Variants in SPON1 observed in about 807,000 individuals in gnomAD.
SPON1 encodes spondin 1, also known as spondin-1.
In SPON1, 52 loss-of-function variants were observed where a neutral mutation model predicts 111.7. The observed-to-expected ratio is 0.47, with a 90% CI of 0.37 to 0.59. The LOEUF is 0.59. SPON1 is among the 20% of genes least tolerant of loss of function. The pLI, the probability that SPON1 is intolerant of heterozygous loss-of-function variation, is 0.00. For synonymous variants in SPON1, 410 were observed against 395.8 expected (o/e 1.04, Z -0.43); for missense variants, 957 against 1,068.5 (o/e 0.90, Z 1.46).
intron 6 of SPON1, among the ~76,000 whole-genome samples, chr11:14,139,275 G>A (rs1381421778): frequency 6.6e-6 from 1 of 152,164 alleles, no homozygotes; most frequent in Non-Finnish European, 1.5e-5. Context: ...CCTTCTAACT[G>A]GTGAACTCCT....
chr11:14,219,205 T>G (rs1848654956), intron 6 of SPON1, among the ~76,000 whole-genome samples: 1 of 152,244 alleles, frequency 6.6e-6, no homozygotes, highest in African/African-American at 2.4e-5. Flanking sequence ...CATTAATTTA[T>G]GGAGCCTTCC....
In SPON1 at chr11:14,075,370, A is replaced by AT. The variant is rs1219816614; in HGVS notation, c.508dup (p.Tyr170LeufsTer5). The AT allele has an allele frequency of 6.4e-7, 1 of 1,560,424 alleles. No individual in the cohort carries two copies. Among genetic ancestry groups the AT allele is most frequent in the Non-Finnish European group, 8.7e-7 (1 of 1,151,220 alleles). ...GGCCAGCATCGTACAAAAACGCATT[A>AT]TTTATTTTCAAGATGAGGGCTCTCT... On this transcript the variant is annotated frameshift_variant, in exon 4 of 16. Coordinates refer to ENST00000576479, the MANE Select transcript of SPON1 (RefSeq NM_006108.4). LOFTEE classifies it high-confidence loss of function.
chr11:14,013,452 A>G (rs1554913946), intron 2 of SPON1, among the ~76,000 whole-genome samples: 1 of 152,200 alleles, frequency 6.6e-6, no homozygotes, highest in African/African-American at 2.4e-5. Flanking sequence ...AAACTTGGCC[A>G]TTCTGTTTGG....
rs376690256 is a variant in SPON1 at position 14,087,431 on chromosome 11, C to T, written c.676+7410C>T. ...CATAGTCATCCAGGAGCAGGTTGTT[C>T]AATTTCCATGTAGTTGTGTGGTTTT... On this transcript the variant is annotated intron_variant, in intron 5 of 15. Transcript: ENST00000576479. Among the ~76,000 whole-genome samples, 77 of 152,278 alleles carry T rather than the reference C, an allele frequency of 5.1e-4. 3 individuals are homozygous for T. In the South Asian group the frequency reaches 0.015, roughly 29 times the overall value.
intron 7 of SPON1, 79 bp from the exon 8 acceptor site, chr11:14,254,449 A>T (rs937834598): frequency 7.8e-7 from 1 of 1,287,992 alleles, no homozygotes. Flanking sequence ...CTCATTCTTC[A>T]TAATCCAGGC....
chr11:14,130,388 G>T (rs1049126305), intron 5 of SPON1, among the ~76,000 whole-genome samples: 2 of 152,134 alleles, frequency 1.3e-5, no homozygotes, highest in Non-Finnish European at 2.9e-5. Context: ...ATGATCAAAA[G>T]TTCCTCCTGC....
At chr11:14,215,704 AGGTT>A (rs1172439318) in intron 6 of SPON1, among the ~76,000 whole-genome samples, 1 of 152,214 alleles carries the variant, frequency 6.6e-6, no homozygotes, top group Non-Finnish European at 1.5e-5. Flanking sequence ...GGTCACATGT[AGGTT>A]ATAAGTTAAG....
intron 6 of SPON1, among the ~76,000 whole-genome samples, chr11:14,220,929 T>C (rs989325670): frequency 4.6e-5 from 7 of 152,172 alleles, no homozygotes; most frequent in African/African-American, 1.7e-4. Context: ...TGGCTTATTA[T>C]GCCAGGGTCA....
chr11:14,179,959 C>G (rs1348765135), intron 6 of SPON1, among the ~76,000 whole-genome samples: 1 of 152,158 alleles, frequency 6.6e-6, no homozygotes, highest in Non-Finnish European at 1.5e-5. Context: ...GTCCTCACTG[C>G]TAACTACCTT....
At chr11:14,150,513 C>G (rs1554929823) in intron 6 of SPON1, among the ~76,000 whole-genome samples, 1 of 152,030 alleles carries the variant, frequency 6.6e-6, no homozygotes, top group South Asian at 2.1e-4. Context: ...ATGCAAATTA[C>G]CCTTTGATTA....
At chr11:14,094,958 A>G (rs1849087109) in intron 5 of SPON1, among the ~76,000 whole-genome samples, 1 of 152,224 alleles carries the variant, frequency 6.6e-6, no homozygotes, top group South Asian at 2.1e-4. Flanking sequence ...CATCTCTTTT[A>G]ACAGTAGATT....
chr11:14,173,520 G>T (rs1179780775), intron 6 of SPON1, among the ~76,000 whole-genome samples: 2 of 152,108 alleles, frequency 1.3e-5, no homozygotes, highest in Admixed American at 1.3e-4. Context: ...GTCCAGCTTT[G>T]TTCCGTTGCT....
At chr11:13,991,246 A>G (rs1848227771) in intron 2 of SPON1, among the ~76,000 whole-genome samples, 1 of 152,136 alleles carries the variant, frequency 6.6e-6, no homozygotes, top group Non-Finnish European at 1.5e-5. Flanking sequence ...ACATAGTCCC[A>G]TATTTCTTGG....
chr11:14,108,504 G>C (rs1336310820), intron 5 of SPON1, among the ~76,000 whole-genome samples: 2 of 152,042 alleles, frequency 1.3e-5, no homozygotes, highest in African/African-American at 4.8e-5. Context: ...CAAGTTCCAG[G>C]TATATTTTGT....
intron 2 of SPON1, among the ~76,000 whole-genome samples, chr11:14,001,085 A>C (rs1172621462): frequency 6.6e-6 from 1 of 152,200 alleles, no homozygotes; most frequent in Non-Finnish European, 1.5e-5. Flanking sequence ...TGAGGTCATG[A>C]GGCAAACCTT....
chr11:14,071,726 T>C (rs545226777), intron 3 of SPON1, among the ~76,000 whole-genome samples: 1 of 152,070 alleles, frequency 6.6e-6, no homozygotes, highest in East Asian at 1.9e-4. Flanking sequence ...TAACCTTTTT[T>C]TTTGAGACGG....
At chr11:14,243,778 TG>T (rs1302726786) in intron 7 of SPON1, among the ~76,000 whole-genome samples, 1 of 152,204 alleles carries the variant, frequency 6.6e-6, no homozygotes, top group Non-Finnish European at 1.5e-5. Flanking sequence ...AGATTTACCC[TG>T]GGTTCCATTC....
intron 3 of SPON1, among the ~76,000 whole-genome samples, chr11:14,065,440 C>T (rs139232356): frequency 2.6e-5 from 4 of 152,314 alleles, no homozygotes; most frequent in African/African-American, 9.6e-5. Flanking sequence ...CACCCACGCC[C>T]AGCCACGGAG....
At chr11:14,119,103 C>T (rs1478139178) in intron 5 of SPON1, among the ~76,000 whole-genome samples, 1 of 152,142 alleles carries the variant, frequency 6.6e-6, no homozygotes, top group Non-Finnish European at 1.5e-5. Flanking sequence ...ACAGGAGGAG[C>T]ATCCCTAACT....
Sources: gnomAD v4.1 joint callset for allele counts (sites outside exome capture counted in the v4.1 genomes callset) on GRCh38, gnomAD v4.1.1 for gene constraint, MANE v1.5 for transcripts, NCBI Gene and HGNC (gene_info 2026-07-23, HGNC 2026-07-21) for gene names.